SLA: variants seen among roughly 807,000 people sequenced by gnomAD.
SLA encodes the protein src-like-adapter.
A neutral mutation model predicts 30.3 loss-of-function variants in SLA; 16 were observed. The ratio of observed to expected loss-of-function variants is 0.53; its 90% CI spans 0.36 to 0.80. The LOEUF (loss-of-function observed/expected upper bound fraction) is 0.80, where lower values mean the gene tolerates loss of function less well. Among genes scored for constraint, SLA ranks in the 30% least tolerant of loss-of-function variants. The pLI is 0.01. For missense variants in SLA, 310 were observed against 345.2 expected, an observed-to-expected ratio of 0.90 and a Z score of 0.81; for synonymous variants, 143 against 137.8, an observed-to-expected ratio of 1.04 and a Z score of -0.26.
chr8:133,070,251 G>A (rs1843795576), intron 2 of SLA, among the ~76,000 whole-genome samples: 1 of 152,022 alleles, frequency 6.6e-6, no homozygotes, highest in Non-Finnish European at 1.5e-5. Flanking sequence ...AAAAAGATGT[G>A]TGGAGCGGTC....
chr8:133,095,236 G>A (rs1588081086), intron 1 of SLA: 2 of 1,614,154 alleles, frequency 1.2e-6, no homozygotes, highest in East Asian at 4.5e-5. Context: ...AGTTGGGAAG[G>A]GACATTCTCT....
In SLA at chr8:133,038,260, A is replaced by G. The variant is rs568522488; in HGVS notation, c.*264T>C. 39 of 505,764 alleles carry G rather than the reference A, an allele frequency of 7.7e-5. No homozygotes were observed. Among genetic ancestry groups the G allele is most frequent in the African/African-American group, 5.0e-4 (26 of 51,972 alleles). 31.3% of individuals were successfully genotyped at this position (505,764 alleles called of 1,614,324 possible). A position where few individuals can be genotyped will look rare whatever the true frequency, so the allele number is the denominator to read the frequency against. ...CCACACACACAATGTGTGCATACAT[A>G]CATGCTGGGCTCTTCCAAGCATCGC... On this transcript the variant is annotated 3_prime_UTR_variant, in exon 9 of 9. Coordinates refer to ENST00000338087, the MANE Select transcript of SLA (RefSeq NM_001045556.3).
rs190940971 is a variant in SLA, at chr8:133,096,394, G to A, written c.-319+6159C>T. 200 of 1,613,998 alleles carry A rather than the reference G, an allele frequency of 1.2e-4. 1 individual carries two copies. The highest frequency in any genetic ancestry group is 1.1e-3 in the Admixed American group (64 of 60,026). ...TGAAGGTAAGCAGGGAGGGGGCCTC[G>A]GATGTCTCCAGCTGGGCATTTCCTA... On this transcript the variant is annotated intron_variant, in intron 1 of 8. Transcript: ENST00000338087.
chr8:133,072,802 G>A (rs368030042), intron 2 of SLA: 14 of 152,126 alleles, frequency 9.2e-5, no homozygotes, highest in African/African-American at 3.4e-4. Flanking sequence ...TATTCGGAAA[G>A]CGACTTTAGT....
intron 1 of SLA, among the ~76,000 whole-genome samples, chr8:133,090,449 C>T (rs1314681351): frequency 6.6e-6 from 1 of 152,168 alleles, no homozygotes; most frequent in African/African-American, 2.4e-5. Context: ...CACCTTGGCC[C>T]GTGTGTGGTA....
At chr8:133,084,298 G>C (rs898366856) in intron 1 of SLA, among the ~76,000 whole-genome samples, 1 of 152,068 alleles carries the variant, frequency 6.6e-6, no homozygotes, top group African/African-American at 2.4e-5. Flanking sequence ...CAAAGCTGCA[G>C]AAAAAAATGA....
At chr8:133,062,749 C>A (rs1391772008) in intron 2 of SLA, among the ~76,000 whole-genome samples, 1 of 152,208 alleles carries the variant, frequency 6.6e-6, no homozygotes, top group Non-Finnish European at 1.5e-5. Flanking sequence ...GTGTGACATG[C>A]ACAGGCTGTT....
intron 1 of SLA, among the ~76,000 whole-genome samples, chr8:133,102,002 A>G (rs2958672): frequency 6.6e-6 from 1 of 152,142 alleles, no homozygotes; most frequent in African/African-American, 2.4e-5. Context: ...TGAAGTTGGG[A>G]GATGATTAGT....
intron 2 of SLA, among the ~76,000 whole-genome samples, chr8:133,065,010 G>A (rs1842857947): frequency 1.3e-5 from 2 of 152,152 alleles, no homozygotes; most frequent in African/African-American, 4.8e-5. Context: ...AACATACTTA[G>A]GGATGCTACC....
chr8:133,089,611 A>T (rs1235776615), intron 1 of SLA, among the ~76,000 whole-genome samples: 1 of 152,100 alleles, frequency 6.6e-6, no homozygotes, highest in Non-Finnish European at 1.5e-5. Context: ...CTTCTATGGA[A>T]ATTCTTCTCT....
At chr8:133,049,581 C>G (rs1045830075) in intron 5 of SLA, 2 of 334,514 alleles carry the variant, frequency 6.0e-6, no homozygotes, top group Admixed American at 4.0e-5. Flanking sequence ...CCTAGACACA[C>G]TGACTTCTAG....
intron 6 of SLA, among the ~76,000 whole-genome samples, 166 bp from the exon 7 acceptor site, chr8:133,045,281 T>C (rs1436771871): frequency 6.6e-6 from 1 of 152,166 alleles, no homozygotes; most frequent in Non-Finnish European, 1.5e-5. Flanking sequence ...TCTGTTTAGA[T>C]GTTGCTTCCC....
chr8:133,074,574 C>G (rs1255098273), intron 2 of SLA, among the ~76,000 whole-genome samples: 2 of 152,180 alleles, frequency 1.3e-5, no homozygotes, highest in Non-Finnish European at 2.9e-5. Flanking sequence ...TGTAAGAAGC[C>G]TGCTAAGTAC....
intron 7 of SLA, among the ~76,000 whole-genome samples, chr8:133,043,456 A>G (rs1294729466): frequency 2.0e-5 from 3 of 152,108 alleles, no homozygotes; most frequent in Non-Finnish European, 4.4e-5. Flanking sequence ...CTGGCTGCTA[A>G]GTTTTCGGAT....
intron 1 of SLA, among the ~76,000 whole-genome samples, chr8:133,101,575 T>C (rs1359593066): frequency 7.0e-6 from 1 of 142,456 alleles, no homozygotes; most frequent in Non-Finnish European, 1.6e-5. Context: ...GACATATCAA[T>C]TGCAGTAAAT....
At chr8:133,051,550 A>G (rs1840407427) in intron 3 of SLA, among the ~76,000 whole-genome samples, 1 of 152,082 alleles carries the variant, frequency 6.6e-6, no homozygotes, top group Admixed American at 6.6e-5. Context: ...TAATAGGGAC[A>G]TTTGTTGAGG....
chr8:133,046,938 CTCT>C (rs1372078069), intron 6 of SLA, among the ~76,000 whole-genome samples: 1 of 152,168 alleles, frequency 6.6e-6, no homozygotes, highest in Non-Finnish European at 1.5e-5. Context: ...AGTGTGTTTT[CTCT>C]TCTTTGATAT....
chr8:133,068,137 C>T (rs907819664), intron 2 of SLA, among the ~76,000 whole-genome samples: 1 of 152,174 alleles, frequency 6.6e-6, no homozygotes, highest in African/African-American at 2.4e-5. Flanking sequence ...TCTCACAGGA[C>T]AAGGGAAAGG....
At chr8:133,076,649 CACTT>C (rs1165815837) in intron 1 of SLA, 2 of 151,272 alleles carry the variant, frequency 1.3e-5, no homozygotes, top group Admixed American at 6.6e-5. Context: ...TTTTAATAGA[CACTT>C]ACCAAGAAAG....
Sources: gnomAD v4.1 joint callset for allele counts (sites outside exome capture counted in the v4.1 genomes callset) on GRCh38, gnomAD v4.1.1 for gene constraint, MANE v1.5 for transcripts, NCBI Gene and HGNC (gene_info 2026-07-23, HGNC 2026-07-21) for gene names.